ARK2N: variants seen among roughly 807,000 people sequenced by gnomAD.
ARK2N encodes the protein protein ARK2N.
the ARK2N span, among the ~76,000 whole-genome samples, chr18:46,246,374 G>C: frequency 6.6e-6 from 1 of 152,176 alleles, no homozygotes; most frequent in African/African-American, 2.4e-5. Flanking sequence ...AATGGTCCTG[G>C]CTCTGAAATA....
At chr18:46,225,622 C>G in the ARK2N span, among the ~76,000 whole-genome samples, 1 of 152,114 alleles carries the variant, frequency 6.6e-6, no homozygotes, top group Non-Finnish European at 1.5e-5. Context: ...CCACGCCTGG[C>G]TAATTTTCTT....
At chr18:46,218,012 G>T in the ARK2N span, 2 of 152,016 alleles carry the variant, frequency 1.3e-5, no homozygotes, top group African/African-American at 4.8e-5. Context: ...TCTTAATCAA[G>T]ACCTTGATGG....
At chr18:46,254,188 T>C in the ARK2N span, among the ~76,000 whole-genome samples, 3 of 152,358 alleles carry the variant, frequency 2.0e-5, no homozygotes, top group East Asian at 5.8e-4. Context: ...CCTGGAAATA[T>C]ACTAGGAGCA....
the ARK2N span, among the ~76,000 whole-genome samples, chr18:46,231,168 CT>C: frequency 6.6e-6 from 1 of 152,152 alleles, no homozygotes; most frequent in African/African-American, 2.4e-5. Context: ...AATCTTAAGG[CT>C]TAATATTTTA....
At chr18:46,246,383 TAGA>T in the ARK2N span, among the ~76,000 whole-genome samples, 6 of 152,088 alleles carry the variant, frequency 3.9e-5, no homozygotes, top group African/African-American at 1.4e-4. Flanking sequence ...GGCTCTGAAA[TAGA>T]AGAAGGAAGA....
the ARK2N span, chr18:46,263,163 T>TCATC: frequency 6.6e-7 from 1 of 1,504,142 alleles, no homozygotes; most frequent in African/African-American, 1.4e-5. Flanking sequence ...TTCCACTTCC[T>TCATC]CATCCTCTTT....
At chr18:46,246,814 G>A in the ARK2N span, among the ~76,000 whole-genome samples, 1 of 151,966 alleles carries the variant, frequency 6.6e-6, no homozygotes, top group Non-Finnish European at 1.5e-5. Context: ...GGTGGTGCAT[G>A]CCTGTAATCC....
At chr18:46,237,010 G>A in the ARK2N span, among the ~76,000 whole-genome samples, 3 of 151,872 alleles carry the variant, frequency 2.0e-5, no homozygotes, top group East Asian at 1.9e-4. Context: ...TTACAGGCAC[G>A]CACCACCACA....
the ARK2N span, chr18:46,228,771 A>T: frequency 2.5e-6 from 1 of 398,382 alleles, no homozygotes. Flanking sequence ...GGGTTCTGTT[A>T]TGTTGTTCAG....
the ARK2N span, among the ~76,000 whole-genome samples, chr18:46,239,621 T>C: frequency 4.6e-5 from 7 of 152,196 alleles, no homozygotes; most frequent in African/African-American, 1.4e-4. Flanking sequence ...TTTTAAAAAA[T>C]ATAAATTGGG....
the ARK2N span, among the ~76,000 whole-genome samples, chr18:46,186,639 A>G: frequency 2.0e-5 from 3 of 148,326 alleles, no homozygotes; most frequent in Admixed American, 1.4e-4. Context: ...CGAGTAGCTG[A>G]GACTACAGGC....
the ARK2N span, among the ~76,000 whole-genome samples, chr18:46,192,390 G>A: frequency 1.3e-5 from 2 of 151,920 alleles, no homozygotes; most frequent in South Asian, 4.1e-4. Context: ...TGGCCAATAT[G>A]GTGAAACCCC....
the ARK2N span, among the ~76,000 whole-genome samples, chr18:46,223,231 T>C: frequency 1.3e-5 from 2 of 152,228 alleles, no homozygotes; most frequent in Non-Finnish European, 2.9e-5. Context: ...TCATTTAGTC[T>C]TTTTTTCCAT....
At chr18:46,176,806 G>A in the ARK2N span, among the ~76,000 whole-genome samples, 15 of 152,124 alleles carry the variant, frequency 9.9e-5, no homozygotes, top group Admixed American at 8.5e-4. Context: ...TAGTAGAGAC[G>A]GGTTTTCTCT....
the ARK2N span, among the ~76,000 whole-genome samples, chr18:46,223,487 A>G: frequency 2.0e-5 from 3 of 152,184 alleles, no homozygotes; most frequent in African/African-American, 7.2e-5. Flanking sequence ...ACTGATTTAA[A>G]CATTCTTTTT....
chr18:46,259,814 T>TGTGTGTG, the ARK2N span, among the ~76,000 whole-genome samples: 99 of 22,778 alleles, frequency 4.3e-3, 1 homozygote, highest in South Asian at 7.5e-3. Flanking sequence ...GTGTGTGTGT[T>TGTGTGTG]TGACAGAGAT....
At chr18:46,201,114 G>A in the ARK2N span, among the ~76,000 whole-genome samples, 1 of 151,644 alleles carries the variant, frequency 6.6e-6, no homozygotes, top group Non-Finnish European at 1.5e-5. Flanking sequence ...GAATAGCTGG[G>A]ACCACAGGTG....
the ARK2N span, among the ~76,000 whole-genome samples, chr18:46,176,405 A>G: frequency 6.6e-6 from 1 of 152,098 alleles, no homozygotes; most frequent in Non-Finnish European, 1.5e-5. Flanking sequence ...TGTTTACTGA[A>G]TAGACAGTAC....
chr18:46,211,906 AC>A, the ARK2N span, among the ~76,000 whole-genome samples: 6 of 152,214 alleles, frequency 3.9e-5, no homozygotes, highest in Admixed American at 6.5e-5. Flanking sequence ...ACTGCTAGCT[AC>A]TTGACTGTTC....
Sources: gnomAD v4.1 joint callset for allele counts (sites outside exome capture counted in the v4.1 genomes callset) on GRCh38, gnomAD v4.1.1 for gene constraint, MANE v1.5 for transcripts, NCBI Gene and HGNC (gene_info 2026-07-23, HGNC 2026-07-21) for gene names.